Variants in CPA6 observed in about 807,000 individuals in gnomAD.
The protein encoded by CPA6 is carboxypeptidase B.
A neutral mutation model predicts 63.3 loss-of-function variants in CPA6; 58 were observed. The observed-to-expected ratio is 0.92, with a 90% CI of 0.74 to 1.14. The LOEUF (loss-of-function observed/expected upper bound fraction) is 1.14. Among genes scored for constraint, CPA6 ranks in the 50% most tolerant of loss-of-function variants. CPA6 has a pLI of 0.00. For missense variants in CPA6, 565 were observed against 526.6 expected, an observed-to-expected ratio of 1.07 and a Z score of -0.71; for synonymous variants, 185 against 179.0, an observed-to-expected ratio of 1.03 and a Z score of -0.27.
intron 1 of CPA6, chr8:67,735,677 C>CTTTTTT (rs199533677): frequency 1.4e-5 from 2 of 145,226 alleles, no homozygotes; most frequent in East Asian, 2.0e-4. Flanking sequence ...TAGTGGCAGT[C>CTTTTTT]TTTTTTTTTT....
At chr8:67,717,537 G>A (rs1817406215) in intron 1 of CPA6, among the ~76,000 whole-genome samples, 1 of 152,180 alleles carries the variant, frequency 6.6e-6, no homozygotes, top group Non-Finnish European at 1.5e-5. Context: ...CCCATATGGT[G>A]TATATTCTTT....
intron 2 of CPA6, among the ~76,000 whole-genome samples, chr8:67,595,151 AC>A (rs1814288222): frequency 6.6e-6 from 1 of 152,026 alleles, no homozygotes; most frequent in South Asian, 2.1e-4. Flanking sequence ...TCCACTCCAG[AC>A]CCTGTTTGCC....
chr8:67,444,964 T>G (rs1040332004), intron 8 of CPA6, among the ~76,000 whole-genome samples: 1 of 151,936 alleles, frequency 6.6e-6, no homozygotes, highest in Non-Finnish European at 1.5e-5. Flanking sequence ...TCAAGGAGAG[T>G]GTGGTTAGCC....
rs1327530039 is a variant in CPA6 at position 67,506,880 on chromosome 8, T to C, written c.543A>G (p.Arg181=). 18 of 1,612,734 alleles carry C rather than the reference T, an allele frequency of 1.1e-5. No individual in the cohort carries two copies. The highest frequency in any genetic ancestry group is 1.4e-5 in the Non-Finnish European group (17 of 1,178,954). Residue 181 remains arginine, a synonymous_variant, in exon 6 of 11, where the codon AGA becomes AGG. Coordinates refer to ENST00000297770, the MANE Select transcript of CPA6 (RefSeq NM_020361.5). Reference sequence around the variant, plus strand: ...AAACAGCTCTTTTGAGTCGTGATCGTCTGCCCAGCTGAAAACAAGAGCATT... The same window carrying C: ...AAACAGCTCTTTTGAGTCGTGATCGCCTGCCCAGCTGAAAACAAGAGCATT... ...GRSLFILKLG[R]RSRLKRAVWI...
At position 67,425,206 on chromosome 8, in the gene CPA6, G is replaced by A. The variant is rs557060287; in HGVS notation, c.1127-2515C>T. On this transcript the variant is annotated intron_variant, in intron 10 of 10. Coordinates refer to ENST00000297770, the MANE Select transcript of CPA6 (RefSeq NM_020361.5). Reference sequence around the variant, plus strand: ...ATAATCATTCATTAAATGAATAAATGTTTCATGGAAAAATCTTTGTATACA... The same window carrying A: ...ATAATCATTCATTAAATGAATAAATATTTCATGGAAAAATCTTTGTATACA... Among the ~76,000 whole-genome samples, 30 of 152,056 alleles carry A rather than the reference G, an allele frequency of 2.0e-4. No individual in the cohort carries two copies. The South Asian group carries it at 6.2e-3, about 32-fold the overall frequency.
intron 2 of CPA6, among the ~76,000 whole-genome samples, chr8:67,593,003 C>T (rs1200583224): frequency 6.6e-6 from 1 of 150,528 alleles, no homozygotes; most frequent in South Asian, 2.1e-4. Flanking sequence ...ATCTTTCCTG[C>T]TTTCTCTTGT....
intron 1 of CPA6, among the ~76,000 whole-genome samples, chr8:67,639,218 T>C (rs995089707): frequency 4.6e-5 from 7 of 151,620 alleles, no homozygotes; most frequent in Admixed American, 3.3e-4. Flanking sequence ...GCTACTGTTA[T>C]GGGATTCTTG....
At chr8:67,722,443 G>T (rs1817519283) in intron 1 of CPA6, among the ~76,000 whole-genome samples, 1 of 152,172 alleles carries the variant, frequency 6.6e-6, no homozygotes, top group East Asian at 1.9e-4. Context: ...AATCAGCTTT[G>T]AGAGCCGCTC....
At chr8:67,607,169 CTCTTCTTCTTCTTCTTCT>C (rs1211819002) in intron 2 of CPA6, among the ~76,000 whole-genome samples, 1,311 of 28,310 alleles carry the variant, frequency 0.046, 71 homozygotes, top group East Asian at 0.058. Flanking sequence ...CTTCTTCTTC[CTCTTCTTCTTCTTCTTCT>C]TCTTCTTCTT....
intron 1 of CPA6, among the ~76,000 whole-genome samples, chr8:67,732,348 C>T (rs957813346): frequency 5.9e-5 from 9 of 152,176 alleles, no homozygotes; most frequent in Non-Finnish European, 1.3e-4. Flanking sequence ...GTCAGCAATT[C>T]GATTCCTAGT....
chr8:67,628,344 T>C (rs188178173), intron 1 of CPA6, among the ~76,000 whole-genome samples: 63 of 152,350 alleles, frequency 4.1e-4, no homozygotes, highest in Admixed American at 2.1e-3. Flanking sequence ...CTGAAAGTCC[T>C]GTTGAAAGAC....
intron 8 of CPA6, among the ~76,000 whole-genome samples, chr8:67,453,277 G>A (rs1385113353): frequency 1.3e-5 from 2 of 152,026 alleles, no homozygotes; most frequent in Non-Finnish European, 2.9e-5. Flanking sequence ...AAAATCAAAG[G>A]GATTTCATAA....
Position 67,563,527 on chromosome 8 carries a change from T to C in CPA6, c.193-45480A>G, listed in dbSNP as rs1813265119. Among the ~76,000 whole-genome samples, 2 of 152,138 alleles carry C rather than the reference T, an allele frequency of 1.3e-5. 1 individual carries two copies. The highest frequency in any genetic ancestry group is 4.1e-4 in the South Asian group (2 of 4,826). On this transcript the variant is annotated intron_variant, in intron 2 of 10. Coordinates refer to ENST00000297770, the MANE Select transcript of CPA6 (RefSeq NM_020361.5). ...AAATTCTTTCAGGGAGGTCATTCTT[T>C]AAGAGGCCTCAGCTGGGAAACCTGC...
At chr8:67,655,710 T>C (rs1048106425) in intron 1 of CPA6, among the ~76,000 whole-genome samples, 2 of 151,884 alleles carry the variant, frequency 1.3e-5, no homozygotes, top group African/African-American at 2.4e-5. Flanking sequence ...TAGCTGGAAA[T>C]AGCAAAGAGG....
At chr8:67,699,339 C>A (rs977170144) in intron 1 of CPA6, among the ~76,000 whole-genome samples, 1 of 151,872 alleles carries the variant, frequency 6.6e-6, no homozygotes, top group Non-Finnish European at 1.5e-5. Context: ...TGGCCTGAAC[C>A]CGGGAGGTGG....
chr8:67,558,950 T>C (rs1396334224), intron 2 of CPA6, among the ~76,000 whole-genome samples: 1 of 152,222 alleles, frequency 6.6e-6, no homozygotes, highest in Non-Finnish European at 1.5e-5. Context: ...TGGTGAAATC[T>C]TCTTTTAACA....
chr8:67,434,906 G>A (rs931162143), intron 8 of CPA6, among the ~76,000 whole-genome samples: 31 of 152,234 alleles, frequency 2.0e-4, no homozygotes, highest in African/African-American at 7.2e-4. Context: ...AACAGATCCT[G>A]GCCTGAGGGG....
chr8:67,670,211 C>T (rs1055257108), intron 1 of CPA6, among the ~76,000 whole-genome samples: 4 of 152,106 alleles, frequency 2.6e-5, no homozygotes, highest in Non-Finnish European at 5.9e-5. Flanking sequence ...CTCATGGTTC[C>T]GCAGGCTGTA....
chr8:67,539,402 C>T (rs140114864), intron 2 of CPA6, among the ~76,000 whole-genome samples: 3,341 of 152,294 alleles, frequency 0.022, 56 homozygotes, highest in Non-Finnish European at 0.032. Context: ...GTGGGTAACT[C>T]GATCTTTCTG....
Sources: gnomAD v4.1 joint callset for allele counts (sites outside exome capture counted in the v4.1 genomes callset) on GRCh38, gnomAD v4.1.1 for gene constraint, MANE v1.5 for transcripts, NCBI Gene and HGNC (gene_info 2026-07-23, HGNC 2026-07-21) for gene names.